The following LARGE1 variants were observed in gnomAD, a reference collection of about 807,000 sequenced individuals.
LARGE1 encodes xylosyl- and glucuronyltransferase LARGE1.
LARGE1 carries 43 observed loss-of-function variants against 87.6 expected under a neutral mutation model. That is an observed-to-expected ratio of 0.49 (90% CI 0.38 to 0.63). The LOEUF (loss-of-function observed/expected upper bound fraction) is 0.63, where lower values mean the gene tolerates loss of function less well. Ranked by LOEUF, LARGE1 falls within the 30% of genes least tolerant of loss-of-function variation. The pLI is 0.00. For synonymous variants in LARGE1, 434 were observed against 394.6 expected, an observed-to-expected ratio of 1.10 and a Z score of -1.18; for missense variants, 802 against 1,000.2, an observed-to-expected ratio of 0.80 and a Z score of 2.67.
At chr22:33,866,640 T>C (rs950913894) in intron 1 of LARGE1, among the ~76,000 whole-genome samples, 2 of 152,162 alleles carry the variant, frequency 1.3e-5, no homozygotes, top group African/African-American at 4.8e-5. Context: ...GATTATCTGC[T>C]CTGGAAGCAC....
At chr22:33,411,649 ATAAG>A (rs1239711398) in intron 7 of LARGE1, among the ~76,000 whole-genome samples, 2 of 152,212 alleles carry the variant, frequency 1.3e-5, no homozygotes, top group Non-Finnish European at 2.9e-5. Flanking sequence ...CAATACTTGC[ATAAG>A]CAAACAAACA....
At chr22:33,104,887 CTCTCTTTCTT>C in the LARGE1 span, among the ~76,000 whole-genome samples, 1,000 of 139,844 alleles carry the variant, frequency 7.2e-3, 15 homozygotes, top group South Asian at 0.018. Flanking sequence ...TAGACTTTCT[CTCTCTTTCTT>C]TCTTTCTTTC....
chr22:33,429,238 GAC>G (rs1288675916), intron 7 of LARGE1, among the ~76,000 whole-genome samples: 1 of 152,140 alleles, frequency 6.6e-6, no homozygotes, highest in African/African-American at 2.4e-5. Context: ...GTTTTAAAGC[GAC>G]ACATCCCCTT....
chr22:33,129,704 T>C, the LARGE1 span, among the ~76,000 whole-genome samples: 1 of 152,078 alleles, frequency 6.6e-6, no homozygotes, highest in Non-Finnish European at 1.5e-5. Flanking sequence ...ACAATCATGG[T>C]GGAAGGCAAA....
chr22:33,211,195 A>C (rs1016268335), intron 11 of LARGE1, among the ~76,000 whole-genome samples: 12 of 152,146 alleles, frequency 7.9e-5, no homozygotes, highest in Non-Finnish European at 1.5e-4. Context: ...TAATCTATAA[A>C]TGTTCTGACT....
At chr22:33,760,741 G>A (rs2084697882) in intron 2 of LARGE1, among the ~76,000 whole-genome samples, 1 of 152,124 alleles carries the variant, frequency 6.6e-6, no homozygotes, top group African/African-American at 2.4e-5. Flanking sequence ...CCAACATGGT[G>A]AAACCCCATC....
intron 12 of LARGE1, among the ~76,000 whole-genome samples, chr22:33,294,049 C>A (rs1932920977): frequency 6.6e-6 from 1 of 152,216 alleles, no homozygotes; most frequent in African/African-American, 2.4e-5. Context: ...CTTTTCTCAC[C>A]AGGATGACTG....
intron 10 of LARGE1, among the ~76,000 whole-genome samples, chr22:33,326,106 A>G (rs1027362001): frequency 3.9e-5 from 6 of 152,148 alleles, no homozygotes; most frequent in Non-Finnish European, 7.4e-5. Context: ...TTTTTTTACT[A>G]AGGAAACCAA....
chr22:33,816,674 G>GGATGGATAGATA lies in LARGE1; in HGVS notation c.-82-55117_-82-55116insTATCTATCCATC, dbSNP rs145852114. Among the ~76,000 whole-genome samples, 543 of 141,394 alleles carry GGATGGATAGATA rather than the reference G, an allele frequency of 3.8e-3. 1 individual carries two copies. The highest frequency in any genetic ancestry group is 6.4e-3 in the East Asian group (30 of 4,664). 92.8% of individuals were successfully genotyped at this position (141,394 alleles called of 152,430 possible). ...CAGACAGACGGATGCACGGATGGAT[G>GGATGGATAGATA]GATAGATAGATAGATAGACAGACAG... On this transcript the variant is annotated intron_variant, in intron 1 of 14. Coordinates refer to ENST00000397394, the MANE Select transcript of LARGE1 (RefSeq NM_133642.5).
chr22:33,593,271 G>T (rs1309550040), intron 5 of LARGE1, among the ~76,000 whole-genome samples: 3 of 147,634 alleles, frequency 2.0e-5, no homozygotes, highest in Non-Finnish European at 3.0e-5. Flanking sequence ...TCGAACTCCT[G>T]GGCTCAAGTG....
chr22:33,754,038 G>A (rs764116798), intron 2 of LARGE1, among the ~76,000 whole-genome samples: 6 of 152,012 alleles, frequency 3.9e-5, no homozygotes, highest in Admixed American at 6.6e-5. Context: ...CTCCATCCTG[G>A]GCAATAGAGC....
chr22:33,608,037 C>A (rs1421925407), intron 4 of LARGE1, among the ~76,000 whole-genome samples: 1 of 152,194 alleles, frequency 6.6e-6, no homozygotes, highest in African/African-American at 2.4e-5. Flanking sequence ...AGTGGCTTAC[C>A]TGAGGGCCAA....
chr22:33,287,234 G>A (rs893768768), intron 12 of LARGE1, among the ~76,000 whole-genome samples: 3 of 152,090 alleles, frequency 2.0e-5, no homozygotes, highest in Non-Finnish European at 4.4e-5. Flanking sequence ...TAAGCTACCT[G>A]GTATTAGTTT....
chr22:33,128,059 C>T, the LARGE1 span, among the ~76,000 whole-genome samples: 599 of 152,208 alleles, frequency 3.9e-3, 6 homozygotes, highest in African/African-American at 0.014. Flanking sequence ...AGGTTCTGTT[C>T]AGAGAAAAAC....
chr22:33,745,052 G>A (rs998045223), intron 2 of LARGE1, among the ~76,000 whole-genome samples: 1 of 152,196 alleles, frequency 6.6e-6, no homozygotes, highest in South Asian at 2.1e-4. Flanking sequence ...ACTAAGGACC[G>A]AGGGAAGGAA....
chr22:33,775,549 GATT>G (rs1351456758), intron 1 of LARGE1, among the ~76,000 whole-genome samples: 3 of 152,122 alleles, frequency 2.0e-5, no homozygotes, highest in African/African-American at 7.2e-5. Context: ...AGACAATTTT[GATT>G]ATTAAGACTG....
chr22:33,603,326 CAG>C (rs1206516119), intron 5 of LARGE1, among the ~76,000 whole-genome samples: 3 of 152,170 alleles, frequency 2.0e-5, no homozygotes, highest in Admixed American at 6.5e-5. Flanking sequence ...TGATCAGAGA[CAG>C]AGCATCAGTG....
chr22:33,568,841 T>G (rs935103052), intron 5 of LARGE1, among the ~76,000 whole-genome samples: 4 of 149,486 alleles, frequency 2.7e-5, no homozygotes, highest in African/African-American at 7.4e-5. Context: ...AACAGATGGA[T>G]GGATGGATGG....
At chr22:33,913,273 G>A (rs1335875643) in intron 1 of LARGE1, among the ~76,000 whole-genome samples, 1 of 152,154 alleles carries the variant, frequency 6.6e-6, no homozygotes, top group Non-Finnish European at 1.5e-5. Flanking sequence ...AACCACTTTT[G>A]TTCTTGATAT....
Sources: gnomAD v4.1 joint callset for allele counts (sites outside exome capture counted in the v4.1 genomes callset) on GRCh38, gnomAD v4.1.1 for gene constraint, MANE v1.5 for transcripts, NCBI Gene and HGNC (gene_info 2026-07-23, HGNC 2026-07-21) for gene names.